SGCZ: variants seen among roughly 807,000 people sequenced by gnomAD.
SGCZ encodes the protein zeta-sarcoglycan.
In SGCZ, 40 loss-of-function variants were observed where a neutral mutation model predicts 41.3. That is an observed-to-expected ratio of 0.97 (90% CI 0.75 to 1.26). The LOEUF is 1.26. Ranked by LOEUF, SGCZ falls within the 50% of genes most tolerant of loss-of-function variation. The pLI, the probability that SGCZ is intolerant of heterozygous loss-of-function variation, is 0.00. For synonymous variants in SGCZ, 206 were observed against 137.5 expected (o/e 1.50, Z -3.49); for missense variants, 552 against 369.8 (o/e 1.49, Z -4.04).
At chr8:14,494,972 T>C (rs939724078) in intron 2 of SGCZ, among the ~76,000 whole-genome samples, 3 of 152,216 alleles carry the variant, frequency 2.0e-5, no homozygotes, top group Non-Finnish European at 4.4e-5. Flanking sequence ...TAAAGGTAAT[T>C]TGGGGAATGT....
At chr8:14,275,772 ACTG>A (rs1800209045) in intron 3 of SGCZ, among the ~76,000 whole-genome samples, 2 of 152,054 alleles carry the variant, frequency 1.3e-5, no homozygotes, top group Admixed American at 1.3e-4. Flanking sequence ...GAATCCTTCT[ACTG>A]CTGCTGGTGG....
chr8:14,309,744 C>T, intron 3 of SGCZ: 1 of 1,595,230 alleles, frequency 6.3e-7, no homozygotes, highest in Non-Finnish European at 8.6e-7. Flanking sequence ...TGAACCAAAG[C>T]CTCTTCAAAA....
chr8:14,381,982 T>C (rs180926909), intron 2 of SGCZ, among the ~76,000 whole-genome samples: 1 of 152,182 alleles, frequency 6.6e-6, no homozygotes, highest in Non-Finnish European at 1.5e-5. Context: ...GTTGGTCAAA[T>C]TTGTTCCATG....
intron 1 of SGCZ, among the ~76,000 whole-genome samples, chr8:15,086,532 T>A (rs1019904681): frequency 3.3e-5 from 5 of 152,182 alleles, no homozygotes; most frequent in African/African-American, 1.2e-4. Context: ...TCTTCCACAA[T>A]GCAATATTTG....
At chr8:14,809,711 A>C (rs1801681748) in intron 1 of SGCZ, among the ~76,000 whole-genome samples, 1 of 152,292 alleles carries the variant, frequency 6.6e-6, no homozygotes, top group East Asian at 1.9e-4. Context: ...GGAAATGTAC[A>C]TCCAAAGAAG....
In SGCZ at chr8:14,326,947, C is replaced by T. The variant is rs1303552416; in HGVS notation, c.235-2743G>A. On this transcript the variant is annotated intron_variant, in intron 2 of 7. Coordinates refer to ENST00000382080, the MANE Select transcript of SGCZ (RefSeq NM_139167.4). Reference sequence around the variant, plus strand: ...AACTCAAAAGTGAGGATTTGCTAGACAGGAATGACAGAAAGTCATAAAGAT... The same window carrying T: ...AACTCAAAAGTGAGGATTTGCTAGATAGGAATGACAGAAAGTCATAAAGAT... Among the ~76,000 whole-genome samples the T allele has an allele frequency of 3.3e-5, 5 of 151,860 alleles. No homozygotes were observed. The South Asian group carries it at 1.0e-3, about 32-fold the overall frequency.
At chr8:15,057,541 T>G (rs1048712804) in intron 1 of SGCZ, among the ~76,000 whole-genome samples, 6 of 152,188 alleles carry the variant, frequency 3.9e-5, no homozygotes, top group Non-Finnish European at 5.9e-5. Context: ...TCATTACCTA[T>G]TCATGTATTA....
chr8:15,096,721 C>CT (rs1266417814), intron 1 of SGCZ, among the ~76,000 whole-genome samples: 1 of 151,964 alleles, frequency 6.6e-6, no homozygotes, highest in Non-Finnish European at 1.5e-5. Flanking sequence ...CAGTCTCGCT[C>CT]TGTCTCCAGG....
intron 1 of SGCZ, among the ~76,000 whole-genome samples, chr8:14,624,032 A>G (rs1806368499): frequency 6.6e-6 from 1 of 152,194 alleles, no homozygotes; most frequent in Non-Finnish European, 1.5e-5. Context: ...CTAGCAGATA[A>G]AACACACTTT....
At chr8:14,653,026 G>T (rs769788811) in intron 1 of SGCZ, among the ~76,000 whole-genome samples, 2 of 152,040 alleles carry the variant, frequency 1.3e-5, no homozygotes, top group Non-Finnish European at 2.9e-5. Context: ...AATTATGAAA[G>T]ACTAGTTTAT....
In SGCZ at chr8:14,368,133, T is replaced by C. The variant is rs993150875; in HGVS notation, c.235-43929A>G. On this transcript the variant is annotated intron_variant, in intron 2 of 7. Transcript: ENST00000382080. The stretch of plus-strand genomic sequence containing the variant: ...AAATGTGTACACTGGGTTTTGGACA[T>C]GAGTGTGCTTCTAAATGGTTCTTTC... 1.3e-4 allele frequency among the ~76,000 whole-genome samples: 20 copies of C among 152,220 alleles called. 1 individual carries two copies. The highest frequency in any genetic ancestry group is 2.5e-4 in the Non-Finnish European group (17 of 67,978).
intron 1 of SGCZ, among the ~76,000 whole-genome samples, chr8:14,647,671 C>A (rs1585152281): frequency 6.6e-6 from 1 of 151,812 alleles, no homozygotes; most frequent in South Asian, 2.1e-4. Flanking sequence ...ATGTGTCATT[C>A]AAATATAAAT....
At chr8:14,918,961 CT>C (rs1363773377) in intron 1 of SGCZ, among the ~76,000 whole-genome samples, 1 of 152,190 alleles carries the variant, frequency 6.6e-6, no homozygotes, top group Non-Finnish European at 1.5e-5. Context: ...TGAAGGAAGA[CT>C]GGGGGGTTTC....
intron 2 of SGCZ, among the ~76,000 whole-genome samples, chr8:14,441,302 G>A (rs1395990873): frequency 6.6e-6 from 1 of 152,122 alleles, no homozygotes; most frequent in East Asian, 1.9e-4. Flanking sequence ...TTTGGCCGGG[G>A]ACAGTGGCTC....
At chr8:14,833,025 C>T (rs1167555603) in intron 1 of SGCZ, among the ~76,000 whole-genome samples, 1 of 151,592 alleles carries the variant, frequency 6.6e-6, no homozygotes, top group Non-Finnish European at 1.5e-5. Flanking sequence ...TGTTGAAATG[C>T]TTAATCTGTT....
chr8:15,015,162 G>A (rs1802978557), intron 1 of SGCZ, among the ~76,000 whole-genome samples: 1 of 151,996 alleles, frequency 6.6e-6, no homozygotes, highest in South Asian at 2.1e-4. Context: ...AGGATTGCTT[G>A]AACCTGGGAG....
At chr8:14,545,576 T>G in intron 2 of SGCZ, among the ~76,000 whole-genome samples, 1 of 152,200 alleles carries the variant, frequency 6.6e-6, no homozygotes, top group East Asian at 1.9e-4. Flanking sequence ...AGTTTACATA[T>G]GGAGATGACA....
chr8:14,618,766 T>C (rs192808338), intron 1 of SGCZ, among the ~76,000 whole-genome samples: 24 of 152,138 alleles, frequency 1.6e-4, no homozygotes, highest in Non-Finnish European at 1.0e-4. Flanking sequence ...ACCGAGGTCA[T>C]GTGAAATGAA....
At chr8:14,466,177 G>C (rs1801044050) in intron 2 of SGCZ, among the ~76,000 whole-genome samples, 1 of 151,894 alleles carries the variant, frequency 6.6e-6, no homozygotes, top group Admixed American at 6.6e-5. Flanking sequence ...ACCTTATTCA[G>C]CTTTTCTTTA....
Sources: gnomAD v4.1 joint callset for allele counts (sites outside exome capture counted in the v4.1 genomes callset) on GRCh38, gnomAD v4.1.1 for gene constraint, MANE v1.5 for transcripts, NCBI Gene and HGNC (gene_info 2026-07-23, HGNC 2026-07-21) for gene names.